RBFOX1: variants seen among roughly 807,000 people sequenced by gnomAD.
RBFOX1 encodes the protein RNA binding fox-1 homolog 1, also known as RNA binding protein fox-1 homolog 1.
A neutral mutation model predicts 57.7 loss-of-function variants in RBFOX1; 8 were observed. That is an observed-to-expected ratio of 0.14 (90% CI 0.08 to 0.25). The LOEUF (loss-of-function observed/expected upper bound fraction) is 0.25. Among genes scored for constraint, RBFOX1 ranks in the 10% least tolerant of loss-of-function variants. The pLI is 1.00. For synonymous variants in RBFOX1, 326 were observed against 222.4 expected (o/e 1.47, Z -4.15); for missense variants, 611 against 548.5 (o/e 1.11, Z -1.14).
At chr16:5,588,145 G>A (rs1177893129) in intron 2 of RBFOX1, among the ~76,000 whole-genome samples, 1 of 152,152 alleles carries the variant, frequency 6.6e-6, no homozygotes, top group Non-Finnish European at 1.5e-5. Flanking sequence ...TTACATGAAA[G>A]TCCCACACAA....
intron 14 of RBFOX1, among the ~76,000 whole-genome samples, chr16:7,677,121 T>TCACACACACACACACACA (rs1555762371): frequency 1.9e-5 from 1 of 53,674 alleles, no homozygotes; most frequent in Admixed American, 2.9e-4. Context: ...CGCACCTTGC[T>TCACACACACACACACACA]CACATACACA....
chr16:5,612,352 T>C (rs2047854477), intron 3 of RBFOX1, among the ~76,000 whole-genome samples: 1 of 145,034 alleles, frequency 6.9e-6, no homozygotes, highest in South Asian at 2.5e-4. Context: ...TGTCCATCCA[T>C]GCAATATTGG....
chr16:7,417,462 C>T lies in RBFOX1; in HGVS notation c.28-100685C>T, dbSNP rs1057356417. The stretch of plus-strand genomic sequence containing the variant: ...CTTATATAACCAAAGTACACCACCA[C>T]CACCAGGAAACTGACCTTGATCCAA... On this transcript the variant is annotated intron_variant, in intron 4 of 15. Transcript: ENST00000550418. 3.3e-5 allele frequency among the ~76,000 whole-genome samples: 5 copies of T among 151,914 alleles called. No homozygotes were observed. In the East Asian group the frequency reaches 9.7e-4, roughly 29 times the overall value.
intron 13 of RBFOX1, among the ~76,000 whole-genome samples, chr16:7,673,538 C>G (rs994525452): frequency 1.3e-5 from 2 of 152,152 alleles, no homozygotes; most frequent in Non-Finnish European, 2.9e-5. Context: ...GAGACCCCAT[C>G]TCTAGTAGTA....
chr16:7,391,348 T>G (rs140271909), intron 4 of RBFOX1, among the ~76,000 whole-genome samples: 230 of 152,282 alleles, frequency 1.5e-3, no homozygotes, highest in African/African-American at 5.1e-3. Flanking sequence ...GAAAGAAGTT[T>G]CGCGTCCCAA....
chr16:6,543,484 G>C (rs1341776059), intron 2 of RBFOX1, among the ~76,000 whole-genome samples: 1 of 152,080 alleles, frequency 6.6e-6, no homozygotes, highest in Non-Finnish European at 1.5e-5. Flanking sequence ...CTCAGTTTGG[G>C]AACCCACTTG....
intron 7 of RBFOX1, among the ~76,000 whole-genome samples, chr16:7,593,485 A>C (rs932676287): frequency 6.6e-6 from 1 of 152,168 alleles, no homozygotes; most frequent in African/African-American, 2.4e-5. Flanking sequence ...TCTGTTATGG[A>C]GCAAATAATC....
chr16:7,466,788 C>G (rs2060599522), intron 4 of RBFOX1, among the ~76,000 whole-genome samples: 3 of 152,182 alleles, frequency 2.0e-5, no homozygotes, highest in Non-Finnish European at 2.9e-5. Flanking sequence ...ATTAAACAAG[C>G]TGCTCTGATT....
intron 1 of RBFOX1, among the ~76,000 whole-genome samples, chr16:6,027,179 C>T (rs996734041): frequency 3.3e-5 from 5 of 152,170 alleles, no homozygotes; most frequent in African/African-American, 9.7e-5. Context: ...ACCCTAATAG[C>T]TATGACACTC....
chr16:7,340,392 A>G (rs142146298), intron 4 of RBFOX1, among the ~76,000 whole-genome samples: 7 of 152,248 alleles, frequency 4.6e-5, no homozygotes, highest in Non-Finnish European at 7.4e-5. Flanking sequence ...ATTGCCTTCC[A>G]CTTCACTTGG....
intron 4 of RBFOX1, among the ~76,000 whole-genome samples, chr16:5,934,228 G>T (rs1025333327): frequency 4.6e-5 from 7 of 152,206 alleles, no homozygotes; most frequent in Non-Finnish European, 7.3e-5. Flanking sequence ...GGCCCAGATT[G>T]GTGCAAACAC....
chr16:6,267,679 A>G (rs1409514743), intron 1 of RBFOX1, among the ~76,000 whole-genome samples: 1 of 152,218 alleles, frequency 6.6e-6, no homozygotes, highest in Non-Finnish European at 1.5e-5. Flanking sequence ...ATCTACTCCT[A>G]AAACCAACAA....
At chr16:7,482,205 C>T (rs1448543924) in intron 4 of RBFOX1, among the ~76,000 whole-genome samples, 3 of 152,186 alleles carry the variant, frequency 2.0e-5, no homozygotes, top group African/African-American at 4.8e-5. Context: ...ATATGCAGAA[C>T]GCTGGGCACA....
Position 6,019,845 on chromosome 16 carries a change from G to A in RBFOX1, c.-274G>A, listed in dbSNP as rs908013947. On this transcript the variant is annotated 5_prime_UTR_variant, in exon 1 of 16. Coordinates refer to ENST00000550418, the MANE Select transcript of RBFOX1 (RefSeq NM_018723.4). This position sits in a 1 kb window ranked among gnomAD's most constrained non-coding sequence, Gnocchi z 4.2. ...GCCAGGGCGGGGCTGACCTGCCCGCGAAGTTGCGGACAGTGCGTGAGAAAC... is the reference window on the plus strand; with the variant it reads ...GCCAGGGCGGGGCTGACCTGCCCGCAAAGTTGCGGACAGTGCGTGAGAAAC... 21 of 1,525,466 alleles carry A rather than the reference G, an allele frequency of 1.4e-5. No individual in the cohort carries two copies. Among genetic ancestry groups the A allele is most frequent in the Non-Finnish European group, 1.8e-5 (21 of 1,140,746 alleles). 94.5% of individuals were successfully genotyped at this position (1,525,466 alleles called of 1,614,324 possible).
At chr16:6,988,641 C>T (rs772816947) in intron 3 of RBFOX1, among the ~76,000 whole-genome samples, 50 of 151,642 alleles carry the variant, frequency 3.3e-4, no homozygotes, top group African/African-American at 8.7e-4. Context: ...GGTGCGATCT[C>T]GGCTCACTAC....
intron 1 of RBFOX1, among the ~76,000 whole-genome samples, chr16:5,250,931 G>T (rs1011719148): frequency 2.6e-5 from 4 of 152,186 alleles, no homozygotes; most frequent in Admixed American, 1.3e-4. Context: ...TGCTCAATTT[G>T]CATCCTGTGC....
chr16:6,231,281 C>T (rs926268130), intron 1 of RBFOX1, among the ~76,000 whole-genome samples: 4 of 149,998 alleles, frequency 2.7e-5, no homozygotes, highest in African/African-American at 4.9e-5. Flanking sequence ...CAACAGGTAC[C>T]GAATTTAGTG....
chr16:6,790,485 C>A (rs1271445957), intron 3 of RBFOX1, among the ~76,000 whole-genome samples: 1 of 151,942 alleles, frequency 6.6e-6, no homozygotes, highest in Non-Finnish European at 1.5e-5. Flanking sequence ...GGGCATGGCG[C>A]CCTCCATCGT....
chr16:6,416,881 T>C (rs1365105038), intron 2 of RBFOX1, among the ~76,000 whole-genome samples: 1 of 152,236 alleles, frequency 6.6e-6, no homozygotes, highest in African/African-American at 2.4e-5. Flanking sequence ...GAAGTAATGA[T>C]GGATTCCCAA....
Sources: gnomAD v4.1 joint callset for allele counts (sites outside exome capture counted in the v4.1 genomes callset) on GRCh38, gnomAD v4.1.1 for gene constraint, Gnocchi (gnomAD v3.1) non-coding constraint, MANE v1.5 for transcripts, NCBI Gene and HGNC (gene_info 2026-07-23, HGNC 2026-07-21) for gene names.